Variants in TYW1B observed in about 807,000 individuals in gnomAD.
The protein encoded by TYW1B is tRNA-yW synthesizing protein 1 homolog B.
Under a neutral mutation model 86.9 loss-of-function variants are expected in TYW1B, and 73 were observed. The observed-to-expected ratio is 0.84, with a 90% confidence interval of 0.70 to 1.02. The LOEUF (loss-of-function observed/expected upper bound fraction) is 1.02. TYW1B is among the 50% of genes least tolerant of loss of function. TYW1B has a pLI of 0.00. For missense variants in TYW1B, 637 were observed against 827.4 expected (o/e 0.77, Z 2.82); for synonymous variants, 248 against 292.8 (o/e 0.85, Z 1.56).
chr7:72,756,169 G>A (rs1787583764), intron 7 of TYW1B, among the ~76,000 whole-genome samples: 1 of 151,662 alleles, frequency 6.6e-6, no homozygotes. Flanking sequence ...GGTTGGAGAA[G>A]TTGGTTTAAT....
chr7:72,688,755 A>G (rs1814068950), intron 11 of TYW1B, among the ~76,000 whole-genome samples: 1 of 152,196 alleles, frequency 6.6e-6, no homozygotes, highest in South Asian at 2.1e-4. Flanking sequence ...CTCCAAACCC[A>G]TAGAAGCTAT....
At position 72,616,680 on chromosome 7, in the gene TYW1B, G is replaced by C; in HGVS notation, c.1777C>G (p.His593Asp). The C allele has an allele frequency of 6.2e-7, 1 of 1,614,106 alleles. No homozygotes were observed. The highest frequency in any genetic ancestry group is 8.5e-7 in the Non-Finnish European group (1 of 1,179,952). ...GTTTGAGTTATTCTTACCTTTCTGT[G>C]TGCTATCAGGAGGCAATTAGAGTGT... ...HEHSNCLLIA[H>D]RKFKIGGEWW... is the part of the protein sequence containing the mutation. The change falls in exon 13 of 14, where the codon CAC becomes GAC. Residue 593 changes from histidine (H) to aspartate (D), a missense_variant. Coordinates refer to ENST00000620995, the MANE Select transcript of TYW1B (RefSeq NM_001145440.3).
At chr7:72,648,597 G>C (rs1585874688) in intron 11 of TYW1B, among the ~76,000 whole-genome samples, 1 of 151,064 alleles carries the variant, frequency 6.6e-6, no homozygotes, top group Non-Finnish European at 1.5e-5. Context: ...ATTTGGTAGA[G>C]AGTAGAAAAG....
chr7:72,619,188 G>A (rs1191728485), intron 12 of TYW1B, among the ~76,000 whole-genome samples: 1 of 152,120 alleles, frequency 6.6e-6, no homozygotes, highest in African/African-American at 2.4e-5. Flanking sequence ...TGGACTTAGT[G>A]TCTCTTTATT....
chr7:72,820,015 C>G (rs1243175407), intron 2 of TYW1B, among the ~76,000 whole-genome samples: 1 of 152,068 alleles, frequency 6.6e-6, no homozygotes, highest in Non-Finnish European at 1.5e-5. Flanking sequence ...TGGCTCACAT[C>G]TGTAATCCCA....
At chr7:72,582,447 C>G (rs150883263) in intron 13 of TYW1B, among the ~76,000 whole-genome samples, 2 of 152,254 alleles carry the variant, frequency 1.3e-5, no homozygotes, top group East Asian at 3.9e-4. Context: ...GAATAGTTTC[C>G]AGCCAAGAAT....
At chr7:72,683,097 A>T (rs1163321019) in intron 11 of TYW1B, among the ~76,000 whole-genome samples, 8 of 152,214 alleles carry the variant, frequency 5.3e-5, no homozygotes, top group African/African-American at 1.9e-4. Flanking sequence ...GCTTGGTTTT[A>T]TCAGAGCCTA....
At chr7:72,735,405 A>G (rs1787179893) in intron 8 of TYW1B, among the ~76,000 whole-genome samples, 1 of 152,038 alleles carries the variant, frequency 6.6e-6, no homozygotes, top group African/African-American at 2.4e-5. Context: ...TCCCGTCTCT[A>G]CTAAAAATAT....
intron 9 of TYW1B, among the ~76,000 whole-genome samples, chr7:72,718,821 C>T (rs1315998346): frequency 1.3e-5 from 2 of 152,110 alleles, no homozygotes; most frequent in Non-Finnish European, 2.9e-5. Context: ...GCAGGTTGAA[C>T]CTGAACTCCA....
intron 10 of TYW1B, among the ~76,000 whole-genome samples, chr7:72,711,183 T>C (rs782417005): frequency 9.9e-5 from 15 of 152,032 alleles, no homozygotes; most frequent in Non-Finnish European, 2.1e-4. Context: ...TCCTTTCCAT[T>C]CAGGTGCACT....
chr7:72,674,466 T>C (rs1813688250), intron 11 of TYW1B, among the ~76,000 whole-genome samples: 1 of 152,036 alleles, frequency 6.6e-6, no homozygotes, highest in African/African-American at 2.4e-5. Flanking sequence ...ATTCCTCCTA[T>C]AGGTTTCATT....
chr7:72,768,553 C>T (rs1554468975), intron 7 of TYW1B, among the ~76,000 whole-genome samples: 2 of 151,932 alleles, frequency 1.3e-5, no homozygotes, highest in Non-Finnish European at 2.9e-5. Flanking sequence ...TTTGGGAGGC[C>T]GAGGCGGGCG....
At chr7:72,684,009 C>A (rs2129570016) in intron 11 of TYW1B, among the ~76,000 whole-genome samples, 1 of 152,194 alleles carries the variant, frequency 6.6e-6, no homozygotes, top group South Asian at 2.1e-4. Context: ...GGATTCTCAA[C>A]AGAAACCTCT....
chr7:72,823,001 C>T (rs536122856), intron 2 of TYW1B: 1 of 151,306 alleles, frequency 6.6e-6, no homozygotes. Context: ...CTCTTTTTTT[C>T]TTCTTTCCTT....
chr7:72,580,504 C>T (rs1332284320), intron 13 of TYW1B, among the ~76,000 whole-genome samples: 3 of 152,082 alleles, frequency 2.0e-5, no homozygotes, highest in East Asian at 1.9e-4. Flanking sequence ...CACACAAGCG[C>T]AATAAGATAC....
intron 6 of TYW1B, among the ~76,000 whole-genome samples, chr7:72,801,654 A>C (rs1310481777): frequency 1.3e-5 from 2 of 152,084 alleles, no homozygotes; most frequent in Non-Finnish European, 2.9e-5. Flanking sequence ...AGTATGTACA[A>C]TATTACTTCA....
At position 72,807,061 on chromosome 7, in the gene TYW1B, T is replaced by TA. The variant is rs1334359964; in HGVS notation, c.723+4dup. The TA allele has an allele frequency of 1.2e-6, 2 of 1,612,292 alleles. No individual in the cohort carries two copies. The highest frequency in any genetic ancestry group is 1.7e-6 in the Non-Finnish European group (2 of 1,178,630). On this transcript the variant is annotated splice_donor_region_variant and intron_variant, in intron 5 of 13. Coordinates refer to ENST00000620995, the MANE Select transcript of TYW1B (RefSeq NM_001145440.3). ...CATCAAGAGATGAACACACAGGCGG[T>TA]ATACCTTGGTGTCTCTGTGATGCAA...
chr7:72,774,653 C>A (rs1305520607), intron 7 of TYW1B, among the ~76,000 whole-genome samples: 3 of 152,090 alleles, frequency 2.0e-5, no homozygotes, highest in Non-Finnish European at 4.4e-5. Flanking sequence ...ATCGCTTGAA[C>A]CTGGGAGGCA....
intron 11 of TYW1B, among the ~76,000 whole-genome samples, chr7:72,653,332 C>T (rs183696027): frequency 7.9e-4 from 121 of 152,224 alleles, no homozygotes; most frequent in African/African-American, 2.8e-3. Context: ...AGAGGGCGGG[C>T]GCAGTGGCTC....
Sources: allele counts gnomAD v4.1 joint callset (sites outside exome capture counted in the v4.1 genomes callset), GRCh38; gene constraint gnomAD v4.1.1; transcripts MANE v1.5; gene names NCBI Gene and HGNC (gene_info 2026-07-23, HGNC 2026-07-21).